Variants in SPIN1 observed in about 807,000 individuals in gnomAD.
SPIN1 encodes the protein spindlin-1.
SPIN1 carries 3 observed loss-of-function variants against 26.0 expected under a neutral mutation model. That is an observed-to-expected ratio of 0.12 (90% CI 0.05 to 0.30). The LOEUF (loss-of-function observed/expected upper bound fraction) is 0.30, where lower values mean the gene tolerates loss of function less well. Ranked by LOEUF, SPIN1 falls within the 10% of genes least tolerant of loss-of-function variation. The probability of loss-of-function intolerance (pLI) is 1.00; values close to 1 mark genes in which losing one functional copy is unlikely to be tolerated. For missense variants in SPIN1, 126 were observed against 333.4 expected, an observed-to-expected ratio of 0.38 and a Z score of 4.84; for synonymous variants, 101 against 116.5, an observed-to-expected ratio of 0.87 and a Z score of 0.86.
intron 1 of SPIN1, chr9:88,410,982 T>C (rs1827431127): frequency 1.4e-6 from 2 of 1,412,208 alleles, no homozygotes; most frequent in Admixed American, 1.7e-5. Context: ...ATGACAGTCT[T>C]ATCCACGGAG....
At chr9:88,410,193 CTT>C (rs112040783) in intron 1 of SPIN1, among the ~76,000 whole-genome samples, 16 of 132,354 alleles carry the variant, frequency 1.2e-4, no homozygotes, top group Non-Finnish European at 2.1e-4. Context: ...GTGTGTGCAA[CTT>C]TTTTTTTTTT....
intron 2 of SPIN1, among the ~76,000 whole-genome samples, chr9:88,435,831 A>G (rs763605667): frequency 1.3e-5 from 2 of 152,278 alleles, no homozygotes; most frequent in African/African-American, 4.8e-5. Context: ...CCTATATCAC[A>G]TAAGTCTTGC....
At chr9:88,443,061 A>G (rs1180294145) in intron 2 of SPIN1, among the ~76,000 whole-genome samples, 1 of 148,450 alleles carries the variant, frequency 6.7e-6, no homozygotes, top group South Asian at 2.2e-4. Flanking sequence ...CAGAGGTTGC[A>G]GTGAGCCAAG....
At chr9:88,394,520 CTT>C (rs1393694133) in intron 1 of SPIN1, among the ~76,000 whole-genome samples, 4 of 152,084 alleles carry the variant, frequency 2.6e-5, no homozygotes, top group African/African-American at 9.7e-5. Flanking sequence ...TGAGCTTATC[CTT>C]TTTTCTCTAA....
At chr9:88,419,124 C>T (rs191089444) in intron 1 of SPIN1, among the ~76,000 whole-genome samples, 39 of 152,246 alleles carry the variant, frequency 2.6e-4, no homozygotes, top group Admixed American at 2.4e-3. Context: ...TCAGTATGTT[C>T]AATTCTTTGC....
At chr9:88,467,043 GTTTGTTTGTT>G (rs1828684629) in intron 4 of SPIN1, among the ~76,000 whole-genome samples, 1 of 144,168 alleles carries the variant, frequency 6.9e-6, no homozygotes, top group African/African-American at 2.9e-5. Flanking sequence ...GTCTCTAATT[GTTTGTTTGTT>G]TGTTTGTTTG....
chr9:88,396,812 A>G (rs1259624190), intron 1 of SPIN1, among the ~76,000 whole-genome samples: 1 of 152,138 alleles, frequency 6.6e-6, no homozygotes, highest in Non-Finnish European at 1.5e-5. Context: ...TAGGCTATGT[A>G]ATATGGCTTA....
In SPIN1 at chr9:88,416,217, G is replaced by A. The variant is rs562945512; in HGVS notation, c.-158-10165G>A. On this transcript the variant is annotated intron_variant, in intron 1 of 5. Coordinates refer to ENST00000375859, the MANE Select transcript of SPIN1 (RefSeq NM_006717.3). ...AAGTTGAAACAGGCAGTTAATATCT[G>A]TCCTCAACATCTACATTCAGGAATT... is the stretch of plus-strand genomic sequence containing the variant. 3.3e-5 allele frequency among the ~76,000 whole-genome samples: 5 copies of A among 152,248 alleles called. No individual in the cohort carries two copies. The East Asian group carries it at 9.6e-4, about 29-fold the overall frequency.
intron 1 of SPIN1, among the ~76,000 whole-genome samples, chr9:88,401,417 A>ACTC (rs1297806561): frequency 2.0e-5 from 3 of 151,772 alleles, no homozygotes; most frequent in African/African-American, 7.3e-5. Context: ...CAGGACCCAC[A>ACTC]CTCCGCCTGC....
intron 3 of SPIN1, among the ~76,000 whole-genome samples, chr9:88,459,186 G>C (rs1828529686): frequency 6.6e-6 from 1 of 152,330 alleles, no homozygotes; most frequent in Non-Finnish European, 1.5e-5. Flanking sequence ...AAGAAAGCCT[G>C]ATCCTGTACG....
chr9:88,434,142 T>C (rs963801875), intron 2 of SPIN1, among the ~76,000 whole-genome samples: 11 of 152,000 alleles, frequency 7.2e-5, no homozygotes, highest in African/African-American at 2.7e-4. Context: ...TCTTTATCAT[T>C]GGAGCATCTG....
At chr9:88,424,814 G>A (rs189010930) in intron 1 of SPIN1, among the ~76,000 whole-genome samples, 21 of 152,274 alleles carry the variant, frequency 1.4e-4, no homozygotes, top group Admixed American at 6.5e-4. Flanking sequence ...AGAGCCAGGC[G>A]GGAGGTTGAA....
intron 4 of SPIN1, among the ~76,000 whole-genome samples, chr9:88,467,436 T>C (rs1828691251): frequency 6.6e-6 from 1 of 152,056 alleles, no homozygotes; most frequent in Non-Finnish European, 1.5e-5. Context: ...TAAAATTGGG[T>C]AATGTGACTG....
rs767890754 is a variant in SPIN1, at chr9:88,426,425, A to G, written c.-115A>G. 2 of 736,692 alleles carry G rather than the reference A, an allele frequency of 2.7e-6. No individual in the cohort carries two copies. The highest frequency in any genetic ancestry group is 4.5e-6 in the Non-Finnish European group (2 of 440,130). The allele number at this position is 736,692 out of a possible 1,614,324, so 45.6% of individuals were successfully genotyped here. ...TATTTTTGCTGAACTCGTAAAAGAGACACTTGGATGGTGGATTAACCAGAA... is the reference window on the plus strand; with the variant it reads ...TATTTTTGCTGAACTCGTAAAAGAGGCACTTGGATGGTGGATTAACCAGAA... On this transcript the variant is annotated 5_prime_UTR_variant, in exon 2 of 6. Coordinates refer to ENST00000375859, the MANE Select transcript of SPIN1 (RefSeq NM_006717.3).
chr9:88,425,686 A>C (rs1432254790), intron 1 of SPIN1, among the ~76,000 whole-genome samples: 1 of 152,022 alleles, frequency 6.6e-6, no homozygotes, highest in Non-Finnish European at 1.5e-5. Flanking sequence ...AAAAAAAAAA[A>C]AAAGATACAC....
intron 2 of SPIN1, among the ~76,000 whole-genome samples, chr9:88,439,772 G>A (rs1828080658): frequency 6.6e-6 from 1 of 152,014 alleles, no homozygotes; most frequent in Admixed American, 6.6e-5. Flanking sequence ...TCCAAACTCT[G>A]CTTTTTCTAA....
intron 5 of SPIN1, among the ~76,000 whole-genome samples, chr9:88,471,088 A>G (rs1338653580): frequency 1.3e-5 from 2 of 152,182 alleles, no homozygotes; most frequent in Non-Finnish European, 2.9e-5. Flanking sequence ...TCTTTGCACA[A>G]AAGTTTTAAA....
At chr9:88,401,269 A>G (rs1827179591) in intron 1 of SPIN1, among the ~76,000 whole-genome samples, 2 of 152,230 alleles carry the variant, frequency 1.3e-5, no homozygotes, top group Admixed American at 6.5e-5. Flanking sequence ...AATTAGAAAC[A>G]ACTGTCCAAT....
chr9:88,475,408 C>G lies in SPIN1; in HGVS notation c.*131C>G. Reference sequence around the variant, plus strand: ...GAACCCACAATCTCTGCCAGCAGAACTGGTTTTGTTCTGAATAGTACAGAT... The same window carrying G: ...GAACCCACAATCTCTGCCAGCAGAAGTGGTTTTGTTCTGAATAGTACAGAT... On this transcript the variant is annotated 3_prime_UTR_variant, in exon 6 of 6. Coordinates refer to ENST00000375859, the MANE Select transcript of SPIN1 (RefSeq NM_006717.3). The G allele has an allele frequency of 1.1e-6, 1 of 936,186 alleles. No homozygotes were observed. Among genetic ancestry groups the G allele is most frequent in the Non-Finnish European group, 1.6e-6 (1 of 625,380 alleles). 58.0% of individuals were successfully genotyped at this position (936,186 alleles called of 1,614,324 possible). A position where few individuals can be genotyped will look rare whatever the true frequency, so the allele number is the denominator to read the frequency against.
Sources: gnomAD v4.1 joint callset for allele counts (sites outside exome capture counted in the v4.1 genomes callset) on GRCh38, gnomAD v4.1.1 for gene constraint, MANE v1.5 for transcripts, NCBI Gene and HGNC (gene_info 2026-07-23, HGNC 2026-07-21) for gene names.